ZC3H12B: variants seen among roughly 807,000 people sequenced by gnomAD.
ZC3H12B encodes probable ribonuclease ZC3H12B.
In ZC3H12B, 7 loss-of-function variants were observed where a neutral mutation model predicts 43.9. The ratio of observed to expected loss-of-function variants is 0.16; its 90% confidence interval spans 0.09 to 0.30. The LOEUF (loss-of-function observed/expected upper bound fraction) is 0.30. Ranked by LOEUF, ZC3H12B falls within the 10% of genes least tolerant of loss-of-function variation. The probability of loss-of-function intolerance (pLI) is 1.00; values close to 1 mark genes in which losing one functional copy is unlikely to be tolerated. For synonymous variants in ZC3H12B, 222 were observed against 241.7 expected (o/e 0.92, Z 0.76); for missense variants, 475 against 670.2 (o/e 0.71, Z 3.22).
chrX:65,212,642 T>TTA, the ZC3H12B span, among the ~76,000 whole-genome samples: 1 of 85,055 alleles, frequency 1.2e-5, no homozygotes, highest in Admixed American at 1.6e-4. Context: ...ATATATATGA[T>TTA]TATATATCAT....
At chrX:65,093,575 G>T in the ZC3H12B span, among the ~76,000 whole-genome samples, 2 of 112,420 alleles carry the variant, frequency 1.8e-5, no homozygotes, top group African/African-American at 6.5e-5. Context: ...TGGATTCAAA[G>T]TAGATTATTT....
the ZC3H12B span, among the ~76,000 whole-genome samples, chrX:65,332,188 G>T: frequency 1.9e-4 from 21 of 110,154 alleles, no homozygotes; most frequent in Non-Finnish European, 3.8e-4. Context: ...AATCTTAAGG[G>T]TTGTAGAGGG....
At chrX:65,384,488 T>G (rs112364534) in intron 2 of ZC3H12B, among the ~76,000 whole-genome samples, 3 of 111,009 alleles carry the variant, frequency 2.7e-5, no homozygotes, top group African/African-American at 6.6e-5. Flanking sequence ...ATTGTGCACA[T>G]GTACCCTAAA....
the ZC3H12B span, among the ~76,000 whole-genome samples, chrX:65,245,667 A>G: frequency 1.8e-5 from 2 of 111,955 alleles, no homozygotes; most frequent in Non-Finnish European, 3.8e-5. Flanking sequence ...AAAATTCTCA[A>G]TAAATTAAGC....
At chrX:65,311,885 A>G in the ZC3H12B span, among the ~76,000 whole-genome samples, 5 of 111,334 alleles carry the variant, frequency 4.5e-5, no homozygotes, top group Admixed American at 9.5e-5. Flanking sequence ...TCAGCAAACT[A>G]TCACAAAATT....
chrX:65,438,723 A>C (rs2067259121), intron 3 of ZC3H12B, among the ~76,000 whole-genome samples: 1 of 113,633 alleles, frequency 8.8e-6, no homozygotes, highest in African/African-American at 3.2e-5. Flanking sequence ...CCCTTAAGAC[A>C]CAGATCGCTC....
At chrX:65,290,308 T>G in the ZC3H12B span, among the ~76,000 whole-genome samples, 14 of 110,749 alleles carry the variant, frequency 1.3e-4, no homozygotes, top group Admixed American at 1.3e-3. Context: ...AGAGTGGCTA[T>G]TTAAAAAAAC....
chrX:65,384,658 A>G (rs1399826115), intron 2 of ZC3H12B, among the ~76,000 whole-genome samples: 2 of 111,630 alleles, frequency 1.8e-5, no homozygotes, highest in Non-Finnish European at 3.8e-5. Flanking sequence ...CTAATTATTC[A>G]GTATTACCAA....
At chrX:65,425,484 C>A (rs1037696675) in intron 3 of ZC3H12B, among the ~76,000 whole-genome samples, 5 of 110,616 alleles carry the variant, frequency 4.5e-5, no homozygotes, top group African/African-American at 1.6e-4. Context: ...CTGGCCAGAA[C>A]TTCCAATACT....
chrX:65,496,395 T>G (rs1350222853), intron 1 of ZC3H12B, among the ~76,000 whole-genome samples: 6 of 112,041 alleles, frequency 5.4e-5, no homozygotes, highest in Admixed American at 1.9e-4. Flanking sequence ...TATATAAACT[T>G]TAAACCTCTG....
At chrX:65,136,941 T>A in the ZC3H12B span, among the ~76,000 whole-genome samples, 1 of 112,009 alleles carries the variant, frequency 8.9e-6, no homozygotes, top group Non-Finnish European at 1.9e-5. Context: ...TATTAGAAAA[T>A]CTAAAGTGCA....
At chrX:65,100,591 A>T in the ZC3H12B span, among the ~76,000 whole-genome samples, 3 of 104,044 alleles carry the variant, frequency 2.9e-5, no homozygotes, top group African/African-American at 1.1e-4. Context: ...AAAAAAAAAA[A>T]AAACAGGGGT....
chrX:65,188,616 T>C, the ZC3H12B span, among the ~76,000 whole-genome samples: 3 of 110,835 alleles, frequency 2.7e-5, no homozygotes, highest in South Asian at 3.8e-4. Context: ...GCATGTCTTC[T>C]TGTGAGAAAT....
chrX:65,400,347 G>T (rs2066748706), intron 3 of ZC3H12B, among the ~76,000 whole-genome samples: 1 of 110,706 alleles, frequency 9.0e-6, no homozygotes, highest in African/African-American at 3.3e-5. Context: ...AAATTTCAGA[G>T]TAGGAAATAA....
At chrX:65,212,694 AT>A in the ZC3H12B span, among the ~76,000 whole-genome samples, 3 of 91,902 alleles carry the variant, frequency 3.3e-5, no homozygotes, top group African/African-American at 1.2e-4. Flanking sequence ...TCATATATAA[AT>A]ATATATGATT....
intron 1 of ZC3H12B, 107 bp from the exon 4 acceptor site, chrX:65,368,722 C>T (rs759184617): frequency 8.9e-6 from 1 of 111,792 alleles, no homozygotes; most frequent in Admixed American, 9.5e-5. Flanking sequence ...TCTTTCTGCC[C>T]AAATTATAAT....
chrX:65,502,413 G>A (rs764193533), exon 5 of ZC3H12B: 5 of 1,208,309 alleles, frequency 4.1e-6, no homozygotes, highest in Admixed American at 2.2e-5. Context: ...GAAGTAGACC[G>A]GGGGGTGTAT....
the ZC3H12B span, among the ~76,000 whole-genome samples, chrX:65,146,983 C>T: frequency 8.9e-6 from 1 of 111,968 alleles, no homozygotes; most frequent in Non-Finnish European, 1.9e-5. Flanking sequence ...CTCCACATGC[C>T]ACTCTGTCCA....
the ZC3H12B span, among the ~76,000 whole-genome samples, chrX:65,082,751 ATCAT>A: frequency 1.6e-4 from 18 of 111,178 alleles, no homozygotes; most frequent in Admixed American, 5.7e-4. Context: ...GACTTCCACA[ATCAT>A]TCTATGAGGT....
Sources: allele counts gnomAD v4.1 joint callset (sites outside exome capture counted in the v4.1 genomes callset), GRCh38; gene constraint gnomAD v4.1.1; transcripts MANE v1.5; gene names NCBI Gene and HGNC (gene_info 2026-07-23, HGNC 2026-07-21).